TNFRSF11A: variants seen among roughly 807,000 people sequenced by gnomAD.
TNFRSF11A encodes the protein tumor necrosis factor receptor superfamily member 11A.
TNFRSF11A carries 32 observed loss-of-function variants against 55.7 expected under a neutral mutation model. That is an observed-to-expected ratio of 0.57 (90% CI 0.43 to 0.77). The LOEUF is 0.77. Ranked by LOEUF, TNFRSF11A falls within the 30% of genes least tolerant of loss-of-function variation. The pLI is 0.00. For missense variants in TNFRSF11A, 753 were observed against 809.8 expected (o/e 0.93, Z 0.85); for synonymous variants, 311 against 331.0 (o/e 0.94, Z 0.65).
At chr18:62,349,348 AT>A (rs2046431407) in intron 2 of TNFRSF11A, among the ~76,000 whole-genome samples, 1 of 151,736 alleles carries the variant, frequency 6.6e-6, no homozygotes, top group Non-Finnish European at 1.5e-5. Context: ...CGCCTGGCTG[AT>A]TTTTGTATCT....
At chr18:62,335,946 C>A (rs1027103442) in intron 1 of TNFRSF11A, among the ~76,000 whole-genome samples, 2 of 152,184 alleles carry the variant, frequency 1.3e-5, no homozygotes, top group Non-Finnish European at 2.9e-5. Context: ...GCCATCTCAG[C>A]AAGTTGATTA....
chr18:62,358,394 C>A, intron 5 of TNFRSF11A, 53 bp downstream of exon 5: 1 of 1,512,090 alleles, frequency 6.6e-7, no homozygotes, highest in Non-Finnish European at 9.2e-7. Flanking sequence ...AACAACTCAA[C>A]CTCCACTGTC....
At position 62,366,603 on chromosome 18, in the gene TNFRSF11A, C is replaced by T. The variant is rs1329567083; in HGVS notation, c.731-105C>T. 3.3e-6 allele frequency: 4 copies of T among 1,205,494 alleles called. No homozygotes were observed. In the East Asian group the frequency reaches 7.0e-5, roughly 21 times the overall value. The allele number at this position is 1,205,494 out of a possible 1,614,324, so 74.7% of individuals were successfully genotyped here. ...AACCATTTTACTATCTATATTTGTC[C>T]TATAACATGTTGTATACCTTAAATA... On this transcript the variant is annotated intron_variant, in intron 7 of 9. Coordinates refer to ENST00000586569, the MANE Select transcript of TNFRSF11A (RefSeq NM_003839.4).
chr18:62,377,786 A>G (rs992985803), intron 9 of TNFRSF11A, among the ~76,000 whole-genome samples: 5 of 152,180 alleles, frequency 3.3e-5, no homozygotes, highest in Non-Finnish European at 7.3e-5. Flanking sequence ...TATTTTGGGA[A>G]ATAGTCCTTT....
At chr18:62,355,566 G>A (rs765948202) in intron 4 of TNFRSF11A, among the ~76,000 whole-genome samples, 10 of 152,170 alleles carry the variant, frequency 6.6e-5, no homozygotes, top group Non-Finnish European at 1.3e-4. Flanking sequence ...ATAGGCATGA[G>A]CCACCACACC....
rs1389938586 is a variant in TNFRSF11A at position 62,384,962 on chromosome 18, C to T, written c.1779C>T (p.Gly593=). 7 of 1,490,934 alleles carry T rather than the reference C, an allele frequency of 4.7e-6. No individual in the cohort carries two copies. The highest frequency in any genetic ancestry group is 2.9e-5 in the African/African-American group (2 of 69,360). 92.4% of individuals were successfully genotyped at this position (1,490,934 alleles called of 1,614,324 possible). ...GNGPRFPDPC[G]GPEGLREPEK... ...GCCCGCGCTTCCCGGACCCGTGCGG[C>T]GGCCCCGAGGGGCTGCGGGAGCCGG... The change falls in exon 10 of 10, where the codon GGC becomes GGT. Residue 593 remains glycine (G), a synonymous_variant. Coordinates refer to ENST00000586569, the MANE Select transcript of TNFRSF11A (RefSeq NM_003839.4).
chr18:62,328,367 T>C (rs962541120), intron 1 of TNFRSF11A, among the ~76,000 whole-genome samples: 2 of 151,550 alleles, frequency 1.3e-5, no homozygotes, highest in Non-Finnish European at 2.9e-5. Context: ...AAGCTCCCTA[T>C]GTTGGGAGGA....
At chr18:62,367,153 G>C (rs1910152780) in intron 8 of TNFRSF11A, among the ~76,000 whole-genome samples, 1 of 152,164 alleles carries the variant, frequency 6.6e-6, no homozygotes, top group Admixed American at 6.5e-5. Flanking sequence ...CCCGGCCTCA[G>C]CTCCTTTGCT....
Position 62,383,031 on chromosome 18 carries a change from G to A in TNFRSF11A, c.1568-1720G>A, listed in dbSNP as rs9630854. Among the ~76,000 whole-genome samples, 27,570 of 152,122 alleles carry A rather than the reference G, an allele frequency of 0.18. 3,387 individuals are homozygous for A. The highest frequency in any genetic ancestry group is 0.27 in the Non-Finnish European group (18,686 of 67,968). ...GGTGAGCAGACCCTCACTGGAGTAC[G>A]CTGCATGCCTGGCAATGTGTGGAGA... On this transcript the variant is annotated intron_variant, in intron 9 of 9. Transcript: ENST00000586569. The surrounding 1 kb of genome is among the most constrained non-coding windows in gnomAD (Gnocchi z 4.2).
At chr18:62,372,687 G>C (rs1910635444) in intron 9 of TNFRSF11A, among the ~76,000 whole-genome samples, 3 of 152,040 alleles carry the variant, frequency 2.0e-5, no homozygotes, top group Admixed American at 2.0e-4. Flanking sequence ...GAAGTGCCCA[G>C]TGTCTATTGT....
At chr18:62,339,676 G>A (rs1232872670) in intron 1 of TNFRSF11A, among the ~76,000 whole-genome samples, 1 of 152,200 alleles carries the variant, frequency 6.6e-6, no homozygotes, top group Non-Finnish European at 1.5e-5. Flanking sequence ...GCCTTTGACA[G>A]TGTGATGACA....
chr18:62,338,596 A>T (rs1278356033), intron 1 of TNFRSF11A, among the ~76,000 whole-genome samples: 1 of 152,222 alleles, frequency 6.6e-6, no homozygotes, highest in Non-Finnish European at 1.5e-5. Flanking sequence ...GGTTCCACTT[A>T]CATGAGGTAT....
At chr18:62,362,340 A>G (rs535548673) in intron 7 of TNFRSF11A, among the ~76,000 whole-genome samples, 4 of 152,106 alleles carry the variant, frequency 2.6e-5, no homozygotes, top group Admixed American at 1.3e-4. Context: ...AAAATACAAA[A>G]TTAGCCAGAC....
At chr18:62,337,183 T>C (rs1474118864) in intron 1 of TNFRSF11A, among the ~76,000 whole-genome samples, 1 of 152,118 alleles carries the variant, frequency 6.6e-6, no homozygotes, top group Non-Finnish European at 1.5e-5. Flanking sequence ...CTAAGTTAGA[T>C]TTTTTTTCTG....
chr18:62,366,677 G>A (rs971828174), intron 7 of TNFRSF11A, 31 bp from the exon 8 acceptor site: 9 of 1,609,268 alleles, frequency 5.6e-6, no homozygotes, highest in Non-Finnish European at 6.8e-6. Flanking sequence ...ATAATAACTT[G>A]AAGTCCTTAT....
chr18:62,351,417 T>C (rs1219766182), intron 3 of TNFRSF11A, among the ~76,000 whole-genome samples: 1 of 152,270 alleles, frequency 6.6e-6, no homozygotes, highest in Non-Finnish European at 1.5e-5. Context: ...AAACTTCATA[T>C]ATAATATAGT....
At chr18:62,361,930 T>C (rs996868666) in intron 7 of TNFRSF11A, 137 bp downstream of exon 7, 3 of 833,930 alleles carry the variant, frequency 3.6e-6, no homozygotes, top group Admixed American at 2.2e-5. Context: ...GTTTTATCAT[T>C]CTCTGGCAAA....
chr18:62,377,038 C>T (rs896147101), intron 9 of TNFRSF11A, among the ~76,000 whole-genome samples: 7 of 152,104 alleles, frequency 4.6e-5, no homozygotes, highest in Non-Finnish European at 7.4e-5. Context: ...CTCAGCCTCC[C>T]GAGTAGCTGG....
chr18:62,337,687 C>G (rs2046254336), intron 1 of TNFRSF11A, among the ~76,000 whole-genome samples: 1 of 152,188 alleles, frequency 6.6e-6, no homozygotes, highest in African/African-American at 2.4e-5. Context: ...ATCATACCAC[C>G]ACCTTACATA....
Sources: gnomAD v4.1 joint callset for allele counts (sites outside exome capture counted in the v4.1 genomes callset) on GRCh38, gnomAD v4.1.1 for gene constraint, Gnocchi (gnomAD v3.1) non-coding constraint, MANE v1.5 for transcripts, NCBI Gene and HGNC (gene_info 2026-07-23, HGNC 2026-07-21) for gene names.